Variants in STRAP observed in about 807,000 individuals in gnomAD.
STRAP encodes serine-threonine kinase receptor-associated protein.
A neutral mutation model predicts 47.0 loss-of-function variants in STRAP; 16 were observed. That is an observed-to-expected ratio of 0.34 (90% confidence interval 0.23 to 0.52). The LOEUF is 0.52. STRAP is among the 20% of genes least tolerant of loss of function. The pLI is 0.96. For synonymous variants in STRAP, 130 were observed against 142.7 expected, an observed-to-expected ratio of 0.91 and a Z score of 0.63; for missense variants, 293 against 420.0, an observed-to-expected ratio of 0.70 and a Z score of 2.64.
intron 7 of STRAP, among the ~76,000 whole-genome samples, chr12:15,899,321 G>A (rs775159226): frequency 1.8e-4 from 28 of 152,156 alleles, no homozygotes; most frequent in Non-Finnish European, 2.8e-4. Context: ...CATACTTAAA[G>A]GTACTACTTG....
Position 15,894,255 on chromosome 12 carries a change from A to AC in STRAP, c.500+113dup, listed in dbSNP as rs1293805339. 4 of 753,262 alleles carry AC rather than the reference A, an allele frequency of 5.3e-6. No individual in the cohort carries two copies. Among genetic ancestry groups the AC allele is most frequent in the African/African-American group, 3.6e-5 (2 of 55,640 alleles). 46.7% of individuals were successfully genotyped at this position (753,262 alleles called of 1,614,324 possible). ...GGGTGGATCATTAGAGGTCAGGAGT[A>AC]CTAGACCAGCCTGGCCGACATGGCG... On this transcript the variant is annotated intron_variant, in intron 5 of 9. Coordinates refer to ENST00000419869, the MANE Select transcript of STRAP (RefSeq NM_007178.4). The surrounding 1 kb of genome is among the most constrained non-coding windows in gnomAD (Gnocchi z 4.9).
intron 8 of STRAP, 124 bp from the exon 9 acceptor site, chr12:15,900,823 G>C (rs923700030): frequency 6.2e-6 from 4 of 650,084 alleles, no homozygotes; most frequent in African/African-American, 1.9e-5. Flanking sequence ...AAAAGGAGTT[G>C]TTTTTATTAT....
At chr12:15,888,687 A>T (rs900086918) in intron 2 of STRAP, among the ~76,000 whole-genome samples, 2 of 151,716 alleles carry the variant, frequency 1.3e-5, no homozygotes, top group African/African-American at 4.8e-5. Context: ...TGTTACTTAC[A>T]TTTTCTGGAC....
At chr12:15,895,064 A>G (rs1407750066) in intron 5 of STRAP, among the ~76,000 whole-genome samples, 1 of 152,246 alleles carries the variant, frequency 6.6e-6, no homozygotes, top group Admixed American at 6.5e-5. Context: ...ACCACTATTT[A>G]TAGCAATGCT....
At chr12:15,895,313 TTTTTC>T (rs767856841) in intron 5 of STRAP, 41 bp from the exon 6 acceptor site, 2 of 1,409,926 alleles carry the variant, frequency 1.4e-6, no homozygotes, top group Non-Finnish European at 1.9e-6. Flanking sequence ...TTTATAAACT[TTTTTC>T]TTACATGAGT....
At position 15,883,571 on chromosome 12, in the gene STRAP, C is replaced by G; in HGVS notation, c.143C>G (p.Thr48Arg). Residue 48 changes from threonine to arginine, a missense_variant, in exon 2 of 10, where the codon ACA becomes AGA. Coordinates refer to ENST00000419869, the MANE Select transcript of STRAP (RefSeq NM_007178.4). ...AAACCTATGCTACGCCAGGGAGATA[C>G]AGGAGACTGGATTGGAACATTTTTG... is the stretch of plus-strand genomic sequence containing the variant. ...DGKPMLRQGDTGDWIGTFLGH... is the reference protein window; with the variant it reads ...DGKPMLRQGDRGDWIGTFLGH... 6.2e-7 allele frequency: 1 copy of G among 1,613,862 alleles called. No homozygotes were observed. Among genetic ancestry groups the G allele is most frequent in the Admixed American group, 1.7e-5 (1 of 60,022 alleles).
At chr12:15,884,719 G>T (rs1280096777) in intron 2 of STRAP, among the ~76,000 whole-genome samples, 1 of 151,892 alleles carries the variant, frequency 6.6e-6, no homozygotes, top group African/African-American at 2.4e-5. Flanking sequence ...TGGTTTGATT[G>T]GTCTGGGGAT....
chr12:15,887,014 G>T lies in STRAP; in HGVS notation c.249-2914G>T, dbSNP rs1398545723. Among the ~76,000 whole-genome samples the T allele has an allele frequency of 6.6e-6, 1 of 152,138 alleles. No homozygotes were observed. The highest frequency in any genetic ancestry group is 1.5e-5 in the Non-Finnish European group (1 of 68,034). On this transcript the variant is annotated intron_variant, in intron 2 of 9. Coordinates refer to ENST00000419869, the MANE Select transcript of STRAP (RefSeq NM_007178.4). This position sits in a 1 kb window ranked among gnomAD's most constrained non-coding sequence, Gnocchi z 5.5. ...CTCCCAAGAGGGCTTAAGTAGATCT[G>T]GGATTGGGTCCAGGAATTTATAGGT...
chr12:15,885,696 T>G (rs1947965193), intron 2 of STRAP, among the ~76,000 whole-genome samples: 1 of 152,166 alleles, frequency 6.6e-6, no homozygotes, highest in Non-Finnish European at 1.5e-5. Flanking sequence ...TCAATGTCTG[T>G]GTTTACAAGT....
chr12:15,890,640 G>A lies in STRAP; in HGVS notation c.374G>A (p.Arg125His), dbSNP rs752651730. 5 of 1,610,668 alleles carry A rather than the reference G, an allele frequency of 3.1e-6. No homozygotes were observed. Among genetic ancestry groups the A allele is most frequent in the African/African-American group, 1.3e-5 (1 of 74,608 alleles). The change falls in exon 4 of 10, where the codon CGC becomes CAC. Residue 125 changes from arginine (R) to histidine (H), a missense_variant. By Grantham distance (29) the Arg-to-His change is conservative. This residue lies in a region of STRAP where 152 missense variants were observed against 183.0 expected (regional missense o/e 0.83). Coordinates refer to ENST00000419869, the MANE Select transcript of STRAP (RefSeq NM_007178.4). The surrounding 1 kb of genome is among the most constrained non-coding windows in gnomAD (Gnocchi z 4.5). ...ACCGGGGGACAGGATAAACTGTTAC[G>A]CATATATGACTTGAACAAACCTGAA... ...LLTGGQDKLL[R>H]IYDLNKPEAE...
chr12:15,899,852 T>C lies in STRAP; in HGVS notation c.776-52T>C, dbSNP rs113264192. On this transcript the variant is annotated intron_variant, in intron 7 of 9. Coordinates refer to ENST00000419869, the MANE Select transcript of STRAP (RefSeq NM_007178.4). The stretch of plus-strand genomic sequence containing the variant: ...GACAGTATTTTTTTTTTTTAGCATA[T>C]CAATATTTAACCTAATAGTTAAAAT... 1,863 of 1,520,354 alleles carry C rather than the reference T, an allele frequency of 1.2e-3. 21 individuals carry two copies. In the African/African-American group the frequency reaches 0.022, roughly 18 times the overall value. 94.2% of individuals were successfully genotyped at this position (1,520,354 alleles called of 1,614,324 possible).
chr12:15,887,493 G>A lies in STRAP; in HGVS notation c.249-2435G>A, dbSNP rs949609847. Among the ~76,000 whole-genome samples, 2 of 152,110 alleles carry A rather than the reference G, an allele frequency of 1.3e-5. No individual in the cohort carries two copies. Among genetic ancestry groups the A allele is most frequent in the East Asian group, 3.8e-4 (2 of 5,198 alleles). On this transcript the variant is annotated intron_variant, in intron 2 of 9. Coordinates refer to ENST00000419869, the MANE Select transcript of STRAP (RefSeq NM_007178.4). The surrounding 1 kb of genome is among the most constrained non-coding windows in gnomAD (Gnocchi z 5.5). ...GCCTGGAGATTGAATAATACATTAGGAAACATTTAGATTAGATCCATTTTA... is the reference window on the plus strand; with the variant it reads ...GCCTGGAGATTGAATAATACATTAGAAAACATTTAGATTAGATCCATTTTA...
chr12:15,893,526 A>G (rs188841935), intron 4 of STRAP, among the ~76,000 whole-genome samples: 1 of 146,584 alleles, frequency 6.8e-6, no homozygotes, highest in African/African-American at 2.5e-5. Flanking sequence ...TATACTTTTT[A>G]TTTATTATAC....
intron 2 of STRAP, among the ~76,000 whole-genome samples, chr12:15,884,117 A>G (rs2136106787): frequency 6.6e-6 from 1 of 152,370 alleles, no homozygotes; most frequent in African/African-American, 2.4e-5. Flanking sequence ...ACAAAAAAAC[A>G]AAACTCAGCT....
chr12:15,885,646 G>T (rs561273167), intron 2 of STRAP, among the ~76,000 whole-genome samples: 2 of 151,648 alleles, frequency 1.3e-5, no homozygotes, highest in South Asian at 4.1e-4. Context: ...CTTGTTTATT[G>T]AAACAGTGTT....
intron 6 of STRAP, among the ~76,000 whole-genome samples, chr12:15,897,024 A>G (rs12422386): frequency 0.13 from 19,168 of 152,228 alleles, 1,632 homozygotes; most frequent in Admixed American, 0.23. Context: ...TGGTTTATTA[A>G]TGCTCTTCAC....
chr12:15,886,196 A>ATT (rs112205733), intron 2 of STRAP, among the ~76,000 whole-genome samples: 1 of 142,984 alleles, frequency 7.0e-6, no homozygotes. Context: ...TCATCATAGG[A>ATT]TTTTTTTTTT....
chr12:15,899,806 T>C (rs1591989859), intron 7 of STRAP, 98 bp from the exon 8 acceptor site: 3 of 1,214,002 alleles, frequency 2.5e-6, no homozygotes, highest in Non-Finnish European at 3.5e-6. Flanking sequence ...CTTAAGAATT[T>C]TCCATCTCCC....
intron 2 of STRAP, among the ~76,000 whole-genome samples, chr12:15,885,552 A>G (rs979552662): frequency 7.2e-4 from 102 of 142,512 alleles, no homozygotes; most frequent in African/African-American, 2.6e-3. Context: ...TGCCTCCTTC[A>G]TTTTAAGTAC....
Sources: allele counts gnomAD v4.1 joint callset (sites outside exome capture counted in the v4.1 genomes callset), GRCh38; gene constraint gnomAD v4.1.1; regional missense constraint gnomAD v4.1.1; non-coding constraint Gnocchi (gnomAD v3.1); transcripts MANE v1.5; gene names NCBI Gene and HGNC (gene_info 2026-07-23, HGNC 2026-07-21).